Variants in DGLUCY observed in about 807,000 individuals in gnomAD.
DGLUCY encodes D-glutamate cyclase, mitochondrial.
A neutral mutation model predicts 58.5 loss-of-function variants in DGLUCY; 58 were observed. The ratio of observed to expected loss-of-function variants is 0.99; its 90% confidence interval spans 0.80 to 1.23. The LOEUF (loss-of-function observed/expected upper bound fraction) is 1.23, where lower values mean the gene tolerates loss of function less well. Among genes scored for constraint, DGLUCY ranks in the 50% most tolerant of loss-of-function variants. DGLUCY has a pLI of 0.00. For missense variants in DGLUCY, 779 were observed against 784.7 expected, an observed-to-expected ratio of 0.99 and a Z score of 0.09; for synonymous variants, 325 against 314.1, an observed-to-expected ratio of 1.03 and a Z score of -0.37.
upstream of DGLUCY, among the ~76,000 whole-genome samples, chr14:91,111,973 C>T (rs2044709445): frequency 2.6e-5 from 4 of 152,124 alleles, no homozygotes; most frequent in South Asian, 2.1e-4. Context: ...CACCGTGGCT[C>T]ACGCCTGTAA....
intron 1 of DGLUCY, among the ~76,000 whole-genome samples, chr14:91,117,936 C>T (rs1398254649): frequency 6.6e-6 from 1 of 151,956 alleles, no homozygotes; most frequent in Non-Finnish European, 1.5e-5. Context: ...TTAAGCTTTG[C>T]CTAAAGTTGA....
At chr14:91,126,110 G>T (rs1022870917) in intron 1 of DGLUCY, among the ~76,000 whole-genome samples, 2 of 152,134 alleles carry the variant, frequency 1.3e-5, no homozygotes, top group South Asian at 2.1e-4. Flanking sequence ...TTTCCAATTT[G>T]CTGGGCACGT....
At chr14:91,137,248 C>T (rs2046392487) in intron 1 of DGLUCY, among the ~76,000 whole-genome samples, 1 of 151,736 alleles carries the variant, frequency 6.6e-6, no homozygotes, top group Non-Finnish European at 1.5e-5. Context: ...GCTAGGATTA[C>T]AGGCATGAGC....
chr14:91,199,726 C>G (rs754933578), intron 10 of DGLUCY, 31 bp from the exon 11 acceptor site: 2 of 1,612,512 alleles, frequency 1.2e-6, no homozygotes, highest in South Asian at 2.2e-5. Flanking sequence ...TCCATAGGAC[C>G]CTCTGACCTC....
chr14:91,069,173 C>G (rs2043874951), intron 1 of DGLUCY, among the ~76,000 whole-genome samples: 1 of 152,176 alleles, frequency 6.6e-6, no homozygotes, highest in Admixed American at 6.6e-5. Context: ...TTGTCCTAAT[C>G]ATTCTTTCTA....
chr14:91,180,508 G>A (rs1273663609), intron 7 of DGLUCY, among the ~76,000 whole-genome samples: 1 of 149,582 alleles, frequency 6.7e-6, no homozygotes, highest in Non-Finnish European at 1.5e-5. Flanking sequence ...GGAGGCAGAG[G>A]TTGCAGTGAG....
rs73332578 is a variant in DGLUCY at position 91,200,348 on chromosome 14, G to A, written c.1444+443G>A. Among the ~76,000 whole-genome samples the A allele has an allele frequency of 7.3e-3, 1,113 of 152,170 alleles. 9 individuals are homozygous for A. The highest frequency in any genetic ancestry group is 0.025 in the African/African-American group (1,053 of 41,504). On this transcript the variant is annotated intron_variant, in intron 11 of 13. Coordinates refer to ENST00000256324, the MANE Select transcript of DGLUCY (RefSeq NM_001102368.3). ...TGCAAAGACGGTCTTTGTTCATTAC[G>A]GTTGGTATAGACACTAATGACACCA...
At chr14:91,149,360 C>T (rs1197532351) in intron 1 of DGLUCY, among the ~76,000 whole-genome samples, 2 of 152,138 alleles carry the variant, frequency 1.3e-5, no homozygotes, top group Admixed American at 6.6e-5. Context: ...GTCTCTAGGT[C>T]GTTATCACTC....
chr14:91,165,786 CA>C (rs1417330118), intron 3 of DGLUCY, among the ~76,000 whole-genome samples: 8 of 152,200 alleles, frequency 5.3e-5, no homozygotes, highest in African/African-American at 1.9e-4. Context: ...TTGGCACAAC[CA>C]CTTTGGAAAA....
intron 1 of DGLUCY, among the ~76,000 whole-genome samples, chr14:91,085,178 C>T (rs1254452797): frequency 1.4e-5 from 2 of 147,342 alleles, no homozygotes; most frequent in Non-Finnish European, 3.0e-5. Flanking sequence ...GCCATGTTCA[C>T]ACCACTGTAC....
At chr14:91,217,918 G>A (rs1886833056) in intron 13 of DGLUCY, among the ~76,000 whole-genome samples, 1 of 152,032 alleles carries the variant, frequency 6.6e-6, no homozygotes, top group Non-Finnish European at 1.5e-5. Context: ...TCCAGCACCT[G>A]CCTGGATTGG....
At chr14:91,175,560 G>C (rs140763456) in intron 6 of DGLUCY, among the ~76,000 whole-genome samples, 3 of 152,280 alleles carry the variant, frequency 2.0e-5, no homozygotes, top group African/African-American at 7.2e-5. Flanking sequence ...GCTGCTGGTA[G>C]TCAAGCAGCT....
In DGLUCY at chr14:91,173,412, G is replaced by T; in HGVS notation, c.580G>T (p.Gly194Trp). Residue 194 changes from glycine (G) to tryptophan (W), a missense_variant, in exon 6 of 14, where the codon GGG (glycine) becomes TGG (tryptophan). Transcript: ENST00000256324. ...CTGCTGCTCCCTCGGAGGTGAGCAG[G>T]GGCAACCTGTTCACATGGGCGACCC... ...RACCSLGGEQ[G>W]QPVHMGDPEL... 2 of 1,608,068 alleles carry T rather than the reference G, an allele frequency of 1.2e-6. No homozygotes were observed. Among genetic ancestry groups the T allele is most frequent in the South Asian group, 2.2e-5 (2 of 90,156 alleles).
intron 10 of DGLUCY, among the ~76,000 whole-genome samples, chr14:91,198,844 A>G (rs1222680227): frequency 1.3e-5 from 2 of 152,132 alleles, no homozygotes; most frequent in African/African-American, 4.8e-5. Context: ...CAGATGCAGA[A>G]AATGAAGGTT....
chr14:91,080,792 C>G (rs7492628), intron 1 of DGLUCY, among the ~76,000 whole-genome samples: 56,449 of 152,082 alleles, frequency 0.37, 11,401 homozygotes, highest in African/African-American at 0.54. Flanking sequence ...GAGTGCTTTA[C>G]ACTTTAGGAA....
chr14:91,106,311 C>T (rs964062312), upstream of DGLUCY, among the ~76,000 whole-genome samples: 2 of 138,656 alleles, frequency 1.4e-5, no homozygotes, highest in African/African-American at 3.2e-5. Context: ...CCATTCCCTA[C>T]CCCCCCCCAA....
intron 9 of DGLUCY, among the ~76,000 whole-genome samples, chr14:91,190,292 T>TA (rs1288660722): frequency 2.0e-5 from 3 of 151,842 alleles, no homozygotes; most frequent in African/African-American, 7.3e-5. Context: ...CGGCCTCTGT[T>TA]AGGTTCTTGA....
At position 91,204,779 on chromosome 14, in the gene DGLUCY, G is replaced by T. The variant is rs147998815; in HGVS notation, c.1518G>T (p.Gly506=). 2.7e-5 allele frequency: 43 copies of T among 1,613,992 alleles called. No homozygotes were observed. The highest frequency in any genetic ancestry group is 3.4e-5 in the Non-Finnish European group (40 of 1,180,004). ...KEAVRRHIRH[G]DVIACDVEAD... Reference sequence around the variant, plus strand: ...CTGTGAGGAGGCACATACGGCACGGGGATGTCATCGCCTGCGACGTGGAGG... The same window carrying T: ...CTGTGAGGAGGCACATACGGCACGGTGATGTCATCGCCTGCGACGTGGAGG... The change falls in exon 12 of 14, where the codon GGG becomes GGT. Residue 506 remains glycine (G), a synonymous_variant. Transcript: ENST00000256324.
chr14:91,103,495 C>T (rs1321160979), upstream of DGLUCY, among the ~76,000 whole-genome samples: 2 of 152,138 alleles, frequency 1.3e-5, no homozygotes, highest in Non-Finnish European at 2.9e-5. Flanking sequence ...CCCTCCTCTC[C>T]CCATCACCAA....
Sources: gnomAD v4.1 joint callset for allele counts (sites outside exome capture counted in the v4.1 genomes callset) on GRCh38, gnomAD v4.1.1 for gene constraint, MANE v1.5 for transcripts, NCBI Gene and HGNC (gene_info 2026-07-23, HGNC 2026-07-21) for gene names.